The following HACD2 variants were observed in gnomAD, a reference collection of about 807,000 sequenced individuals.
HACD2 encodes very-long-chain (3R)-3-hydroxyacyl-CoA dehydratase 2.
Under a neutral mutation model 31.0 loss-of-function variants are expected in HACD2, and 15 were observed. That is an observed-to-expected ratio of 0.48 (90% CI 0.32 to 0.75). The LOEUF (loss-of-function observed/expected upper bound fraction) is 0.75. Ranked by LOEUF, HACD2 falls within the 30% of genes least tolerant of loss-of-function variation. HACD2 has a pLI of 0.03. For missense variants in HACD2, 283 were observed against 313.0 expected (o/e 0.90, Z 0.72); for synonymous variants, 115 against 122.2 (o/e 0.94, Z 0.39).
chr3:123,559,222 TCTC>T (rs773059509), intron 3 of HACD2, among the ~76,000 whole-genome samples: 6 of 152,130 alleles, frequency 3.9e-5, no homozygotes, highest in Non-Finnish European at 7.4e-5. Context: ...CTGAGAAAAA[TCTC>T]CTTACTAATA....
At chr3:123,524,144 A>G (rs1021154247) in intron 4 of HACD2, among the ~76,000 whole-genome samples, 8 of 152,240 alleles carry the variant, frequency 5.3e-5, no homozygotes, top group African/African-American at 1.7e-4. Flanking sequence ...AAAGTAAATT[A>G]AATCAAGGGA....
chr3:123,504,516 G>A (rs2055948463), intron 4 of HACD2, among the ~76,000 whole-genome samples: 1 of 151,092 alleles, frequency 6.6e-6, no homozygotes, highest in Non-Finnish European at 1.5e-5. Flanking sequence ...TAGTCTTAGT[G>A]ACCTTCAAAT....
At chr3:123,532,323 C>G (rs919317942) in intron 3 of HACD2, among the ~76,000 whole-genome samples, 2 of 152,166 alleles carry the variant, frequency 1.3e-5, no homozygotes, top group African/African-American at 4.8e-5. Flanking sequence ...GCATAGACAA[C>G]TACTTCAACC....
intron 3 of HACD2, among the ~76,000 whole-genome samples, chr3:123,533,159 T>C (rs2056386155): frequency 6.6e-6 from 1 of 152,214 alleles, no homozygotes; most frequent in South Asian, 2.1e-4. Context: ...CTAGATTCTC[T>C]CTTTGATTGG....
chr3:123,528,791 C>A, intron 3 of HACD2, among the ~76,000 whole-genome samples: 1 of 152,212 alleles, frequency 6.6e-6, no homozygotes, highest in Non-Finnish European at 1.5e-5. Context: ...AAAACCACTA[C>A]CTAATCTTTA....
chr3:123,567,341 C>A (rs1395520517), intron 3 of HACD2, among the ~76,000 whole-genome samples: 1 of 152,100 alleles, frequency 6.6e-6, no homozygotes, highest in African/African-American at 2.4e-5. Flanking sequence ...CTCTCACAAA[C>A]ATGTAATATT....
chr3:123,500,785 T>C, intron 5 of HACD2, 92 bp from the exon 6 acceptor site: 1 of 707,394 alleles, frequency 1.4e-6, no homozygotes, highest in Non-Finnish European at 2.2e-6. Flanking sequence ...ACTGGTCTTT[T>C]AGAAAATGAT....
intron 4 of HACD2, among the ~76,000 whole-genome samples, chr3:123,524,498 A>G (rs965642745): frequency 9.2e-5 from 14 of 152,320 alleles, no homozygotes; most frequent in Admixed American, 5.2e-4. Context: ...TGATGTGTAC[A>G]TCTGATGTAC....
In HACD2 at chr3:123,491,586, T is replaced by C. The variant is rs1465331636; in HGVS notation, c.*3302A>G. ...TCCAGGCAGAGCACACACCAGTTTA[T>C]TTTGAAATGCAACACAGATCAGTAT... is the stretch of plus-strand genomic sequence containing the variant. On this transcript the variant is annotated 3_prime_UTR_variant, in exon 7 of 7. Coordinates refer to ENST00000383657, the MANE Select transcript of HACD2 (RefSeq NM_198402.5). 1 of 152,688 alleles carries C rather than the reference T, an allele frequency of 6.5e-6. No homozygotes were observed. The highest frequency in any genetic ancestry group is 1.9e-4 in the East Asian group (1 of 5,206). The allele number at this position is 152,688 out of a possible 1,614,324, so 9.5% of individuals were successfully genotyped here. A position where few individuals can be genotyped will look rare whatever the true frequency, so the allele number is the denominator to read the frequency against.
At chr3:123,578,665 TAAG>T (rs2056933562) in intron 2 of HACD2, among the ~76,000 whole-genome samples, 1 of 152,222 alleles carries the variant, frequency 6.6e-6, no homozygotes, top group Non-Finnish European at 1.5e-5. Context: ...ATTATTTTCT[TAAG>T]AAGATGTGAA....
chr3:123,529,289 A>G (rs2056323514), intron 3 of HACD2, among the ~76,000 whole-genome samples: 1 of 152,146 alleles, frequency 6.6e-6, no homozygotes, highest in Non-Finnish European at 1.5e-5. Context: ...TTTGGTAGAG[A>G]TAGGGCTTCA....
chr3:123,521,841 G>A (rs978720115), intron 4 of HACD2, among the ~76,000 whole-genome samples: 3 of 152,168 alleles, frequency 2.0e-5, no homozygotes, highest in South Asian at 2.1e-4. Flanking sequence ...TGGATTCTGT[G>A]GTTTAAGAAG....
intron 4 of HACD2, among the ~76,000 whole-genome samples, chr3:123,514,562 C>T (rs982765844): frequency 6.6e-6 from 1 of 151,960 alleles, no homozygotes; most frequent in African/African-American, 2.4e-5. Flanking sequence ...GGTTTTATAA[C>T]CATAAAGACA....
At chr3:123,568,153 G>A (rs144265995) in intron 2 of HACD2, among the ~76,000 whole-genome samples, 1 of 152,162 alleles carries the variant, frequency 6.6e-6, no homozygotes, top group African/African-American at 2.4e-5. Context: ...CACGGACTCC[G>A]GAACACGGGG....
intron 3 of HACD2, among the ~76,000 whole-genome samples, chr3:123,562,660 G>T (rs901897075): frequency 6.6e-6 from 1 of 152,146 alleles, no homozygotes; most frequent in African/African-American, 2.4e-5. Context: ...AATCTGTGAG[G>T]TAGGTATTCT....
At chr3:123,496,918 GGAA>G (rs752424148) in intron 6 of HACD2, among the ~76,000 whole-genome samples, 3 of 152,324 alleles carry the variant, frequency 2.0e-5, no homozygotes, top group Non-Finnish European at 2.9e-5. Flanking sequence ...GGCAGTTCAA[GGAA>G]GAAGATGGCC....
At chr3:123,540,082 TAA>T (rs570658977) in intron 3 of HACD2, among the ~76,000 whole-genome samples, 9 of 119,524 alleles carry the variant, frequency 7.5e-5, no homozygotes, top group East Asian at 2.3e-4. Flanking sequence ...AGACCCTGTC[TAA>T]AAAAAAAAAA....
At chr3:123,523,312 C>T (rs544878853) in intron 4 of HACD2, among the ~76,000 whole-genome samples, 3 of 152,208 alleles carry the variant, frequency 2.0e-5, no homozygotes, top group African/African-American at 7.2e-5. Context: ...AAGTGGCACT[C>T]CTCTGCACAA....
At chr3:123,577,831 T>C (rs2056923979) in intron 2 of HACD2, among the ~76,000 whole-genome samples, 1 of 152,106 alleles carries the variant, frequency 6.6e-6, no homozygotes, top group Non-Finnish European at 1.5e-5. Flanking sequence ...ATGAATAAAG[T>C]AGAAAACACC....
Sources: allele counts gnomAD v4.1 joint callset (sites outside exome capture counted in the v4.1 genomes callset), GRCh38; gene constraint gnomAD v4.1.1; transcripts MANE v1.5; gene names NCBI Gene and HGNC (gene_info 2026-07-23, HGNC 2026-07-21).